PTPN12: variants seen among roughly 807,000 people sequenced by gnomAD.
PTPN12 encodes protein tyrosine phosphatase non-receptor type 12.
A neutral mutation model predicts 97.6 loss-of-function variants in PTPN12; 29 were observed. The observed-to-expected ratio is 0.30, with a 90% CI of 0.22 to 0.41. The LOEUF is 0.41. Ranked by LOEUF, PTPN12 falls within the 10% of genes least tolerant of loss-of-function variation. The pLI, the probability that PTPN12 is intolerant of heterozygous loss-of-function variation, is 1.00. For synonymous variants in PTPN12, 327 were observed against 300.4 expected (o/e 1.09, Z -0.91); for missense variants, 819 against 926.0 (o/e 0.88, Z 1.50).
chr7:77,601,758 A>G (rs970322848), intron 8 of PTPN12, among the ~76,000 whole-genome samples: 5 of 152,150 alleles, frequency 3.3e-5, no homozygotes, highest in African/African-American at 1.2e-4. Context: ...TTCTTGGGGA[A>G]CATCAGTTTC....
rs769812547 is a variant in PTPN12, at chr7:77,607,224, T to C, written c.696-11T>C. 14 of 1,578,070 alleles carry C rather than the reference T, an allele frequency of 8.9e-6. No homozygotes were observed. The Admixed American group carries it at 1.9e-4, about 21-fold the overall frequency. On this transcript the variant is annotated splice_polypyrimidine_tract_variant and intron_variant, in intron 8 of 17. Coordinates refer to ENST00000248594, the MANE Select transcript of PTPN12 (RefSeq NM_002835.4). ...CAAAAATCAATTGTTTTTCAAACTTTATATCCTTAGTGCAGGCTGTGGAAG... is the reference window on the plus strand; with the variant it reads ...CAAAAATCAATTGTTTTTCAAACTTCATATCCTTAGTGCAGGCTGTGGAAG...
Position 77,632,377 on chromosome 7 carries a change from C to A in PTPN12, c.2026C>A (p.Pro676Thr). The change falls in exon 14 of 18, where the codon CCC (proline) becomes ACC (threonine). Residue 676 changes from proline (P) to threonine (T), a missense_variant. Around this residue, in one of 5 missense-constraint regions of PTPN12, gnomAD observed 607 missense variants for 577.3 expected, o/e 1.05. Coordinates refer to ENST00000248594, the MANE Select transcript of PTPN12 (RefSeq NM_002835.4). ...DVDVSEDSPP[P>T]LPERTPESFV... The stretch of plus-strand genomic sequence containing the variant: ...TGATGTTAGTGAAGATTCACCTCCT[C>A]CCCTACCTGAAAGAACTCCTGAATC... 1 of 1,610,794 alleles carries A rather than the reference C, an allele frequency of 6.2e-7. No homozygotes were observed. The highest frequency in any genetic ancestry group is 1.1e-5 in the South Asian group (1 of 90,988).
chr7:77,638,219 A>G (rs1040001537), intron 16 of PTPN12, among the ~76,000 whole-genome samples: 11 of 151,690 alleles, frequency 7.3e-5, no homozygotes, highest in Non-Finnish European at 1.2e-4. Flanking sequence ...CGGCCTCCCA[A>G]AGTGCTGGGA....
chr7:77,552,247 G>A (rs1807511171), intron 1 of PTPN12, among the ~76,000 whole-genome samples: 1 of 151,780 alleles, frequency 6.6e-6, no homozygotes, highest in Admixed American at 6.6e-5. Flanking sequence ...CTCCTAAGTA[G>A]ATAGGACTAC....
chr7:77,609,892 AACAAAAAAAAAAC>A (rs1788510959), intron 9 of PTPN12, among the ~76,000 whole-genome samples: 3 of 136,756 alleles, frequency 2.2e-5, no homozygotes, highest in Non-Finnish European at 4.7e-5. Context: ...AAAAAAAAAC[AACAAAAAAAAAAC>A]CCAAAAATCT....
At chr7:77,576,119 G>T (rs942787525) in intron 2 of PTPN12, among the ~76,000 whole-genome samples, 2 of 152,294 alleles carry the variant, frequency 1.3e-5, no homozygotes. Flanking sequence ...CTCCCAAAGT[G>T]CTGGGATTAC....
intron 2 of PTPN12, among the ~76,000 whole-genome samples, chr7:77,576,790 G>A (rs1787358076): frequency 6.6e-6 from 1 of 152,196 alleles, no homozygotes. Flanking sequence ...GGTGTTAATG[G>A]TGGCCCAAAA....
chr7:77,613,277 T>C (rs1236912789), intron 11 of PTPN12, among the ~76,000 whole-genome samples: 1 of 145,272 alleles, frequency 6.9e-6, no homozygotes, highest in African/African-American at 2.6e-5. Context: ...CGGGTTCATG[T>C]GATTTTCCTG....
intron 2 of PTPN12, among the ~76,000 whole-genome samples, chr7:77,581,001 C>T (rs1195708669): frequency 1.3e-5 from 2 of 152,122 alleles, no homozygotes; most frequent in African/African-American, 4.8e-5. Flanking sequence ...CTTATTGCAA[C>T]TTTAATACAC....
intron 1 of PTPN12, among the ~76,000 whole-genome samples, chr7:77,569,519 T>C (rs998850235): frequency 5.3e-5 from 8 of 152,104 alleles, no homozygotes; most frequent in Admixed American, 6.6e-5. Context: ...ACCTGTAATC[T>C]CAGCACTTTG....
At chr7:77,563,218 G>C (rs1808079069) in intron 1 of PTPN12, among the ~76,000 whole-genome samples, 1 of 152,188 alleles carries the variant, frequency 6.6e-6, no homozygotes, top group South Asian at 2.1e-4. Context: ...TTGTGAAGTA[G>C]AAATGAAGTG....
chr7:77,597,878 A>G lies in PTPN12; in HGVS notation c.529A>G (p.Thr177Ala). 1 of 1,612,606 alleles carries G rather than the reference A, an allele frequency of 6.2e-7. No individual in the cohort carries two copies. The highest frequency in any genetic ancestry group is 1.1e-5 in the South Asian group (1 of 90,538). The change falls in exon 7 of 18, where the codon ACA (threonine) becomes GCA (alanine). Residue 177 changes from threonine (T) to alanine (A), a missense_variant. Thr to Ala is a moderately conservative substitution (Grantham distance 58). Around this residue, in one of 5 missense-constraint regions of PTPN12, gnomAD observed 45 missense variants for 52.0 expected, o/e 0.87. Coordinates refer to ENST00000248594, the MANE Select transcript of PTPN12 (RefSeq NM_002835.4). ...EQARTDYFIR[T>A]LLLEFQNESR... is the part of the protein sequence containing the mutation. ...AGCAAGAACAGACTACTTCATCAGG[A>G]CACTCTTACTTGAATTTCAAAATGT...
intron 2 of PTPN12, among the ~76,000 whole-genome samples, chr7:77,572,154 G>T (rs949934216): frequency 4.6e-5 from 7 of 151,396 alleles, no homozygotes; most frequent in Non-Finnish European, 1.0e-4. Flanking sequence ...GAGTGCGGTG[G>T]TGGGATCTTG....
At chr7:77,622,722 G>A (rs985740791) in intron 12 of PTPN12, among the ~76,000 whole-genome samples, 3 of 152,024 alleles carry the variant, frequency 2.0e-5, no homozygotes, top group Admixed American at 2.0e-4. Context: ...AGTGAGTCGA[G>A]ATCGCGCCAC....
intron 12 of PTPN12, among the ~76,000 whole-genome samples, chr7:77,625,472 G>GCTTGCGCTCTCTCTCTCT (rs1554326598): frequency 2.1e-4 from 7 of 33,530 alleles, no homozygotes; most frequent in African/African-American, 9.3e-4. Flanking sequence ...CAGGCTGCTC[G>GCTTGCGCTCTCTCTCTCT]CTCTCTCTCT....
chr7:77,610,738 G>T (rs1164174903), intron 9 of PTPN12, 27 bp from the exon 10 acceptor site: 15 of 1,555,870 alleles, frequency 9.6e-6, no homozygotes, highest in Non-Finnish European at 1.3e-5. Flanking sequence ...GATACACAAA[G>T]TTGATGTATT....
At chr7:77,578,969 T>C (rs999509188) in intron 2 of PTPN12, among the ~76,000 whole-genome samples, 1 of 152,160 alleles carries the variant, frequency 6.6e-6, no homozygotes, top group Non-Finnish European at 1.5e-5. Flanking sequence ...CTAAAGCATA[T>C]GTATATCATG....
chr7:77,638,424 G>C (rs1347544420), intron 16 of PTPN12, among the ~76,000 whole-genome samples, 200 bp from the exon 17 acceptor site: 1 of 152,290 alleles, frequency 6.6e-6, no homozygotes, highest in African/African-American at 2.4e-5. Flanking sequence ...GCAGATTTCT[G>C]TGTGACCACA....
Position 77,627,772 on chromosome 7 carries a change from ACT to A in PTPN12, c.1996+100_1996+101del, listed in dbSNP as rs555147606. ...ATTGATTTATTATGTTTTATTCCAC[ACT>A]CTACCATAGAACCTACAGCAAAATC... On this transcript the variant is annotated intron_variant, in intron 13 of 17. Coordinates refer to ENST00000248594, the MANE Select transcript of PTPN12 (RefSeq NM_002835.4). The A allele has an allele frequency of 8.5e-5, 104 of 1,228,044 alleles. 2 individuals carry two copies. The Middle Eastern group carries it at 2.5e-3, about 30-fold the overall frequency. The allele number at this position is 1,228,044 out of a possible 1,614,324, so 76.1% of individuals were successfully genotyped here.
Sources: gnomAD v4.1 joint callset for allele counts (sites outside exome capture counted in the v4.1 genomes callset) on GRCh38, gnomAD v4.1.1 for gene constraint, gnomAD v4.1.1 regional missense constraint, MANE v1.5 for transcripts, NCBI Gene and HGNC (gene_info 2026-07-23, HGNC 2026-07-21) for gene names.